Variants in COMP observed in about 807,000 individuals in gnomAD.
The protein encoded by COMP is cartilage oligomeric matrix protein (pseudoachondroplasia, epiphyseal dysplasia 1, multiple).
COMP carries 79 observed loss-of-function variants against 95.8 expected under a neutral mutation model. That is an observed-to-expected ratio of 0.82 (90% CI 0.69 to 0.99). The LOEUF is 0.99. COMP is among the 50% of genes least tolerant of loss of function. COMP has a pLI of 0.00. For synonymous variants in COMP, 438 were observed against 433.9 expected (o/e 1.01, Z -0.12); for missense variants, 906 against 1,076.1 (o/e 0.84, Z 2.21).
In COMP at chr19:18,783,176, C is replaced by T. The variant is rs1032221863; in HGVS notation, c.2105G>A (p.Gly702Asp). ...GTTGCTGTCGGCCACCAGCTCAGGGCCCTCATAGAATCGCACCCTGAGGGT... is the reference window on the plus strand; with the variant it reads ...GTTGCTGTCGGCCACCAGCTCAGGGTCCTCATAGAATCGCACCCTGAGGGT... The part of the protein sequence containing the change: ...VGYIRVRFYE[G>D]PELVADSNVV... Residue 702 changes from glycine (G) to aspartate (D), a missense_variant, in exon 18 of 19, where the codon GGC (glycine) becomes GAC (aspartate). By Grantham distance (94) the Gly-to-Asp change is moderately conservative. Coordinates refer to ENST00000222271, the MANE Select transcript of COMP (RefSeq NM_000095.3). 1 of 1,608,738 alleles carries T rather than the reference C, an allele frequency of 6.2e-7. No individual in the cohort carries two copies. The highest frequency in any genetic ancestry group is 8.5e-7 in the Non-Finnish European group (1 of 1,180,002).
chr19:18,785,596 G>A (rs373548140), intron 14 of COMP, 50 bp from the exon 15 acceptor site: 2 of 1,613,792 alleles, frequency 1.2e-6, no homozygotes, highest in East Asian at 2.2e-5. Flanking sequence ...GACAGCCCTA[G>A]GCACCCTGTC....
Position 18,789,822 on chromosome 19 carries a change from G to A in COMP, c.390+120C>T, listed in dbSNP as rs1244222941. The A allele has an allele frequency of 4.7e-6, 6 of 1,271,958 alleles. No homozygotes were observed. The highest frequency in any genetic ancestry group is 6.6e-6 in the Non-Finnish European group (6 of 906,278). 78.8% of individuals were successfully genotyped at this position (1,271,958 alleles called of 1,614,324 possible). A position where few individuals can be genotyped will look rare whatever the true frequency, so the allele number is the denominator to read the frequency against. ...GGAGGTAGTCTGGCCGTGCGCCCCC[G>A]GAGGTGAGAGGCTCTTCGGGGCGAA... On this transcript the variant is annotated intron_variant, in intron 4 of 18. Transcript: ENST00000222271. The surrounding 1 kb of genome is among the most constrained non-coding windows in gnomAD (Gnocchi z 6.1).
rs1327200810 is a variant in COMP, at chr19:18,785,800, A to C, written c.1541T>G (p.Val514Gly). 3 of 1,612,996 alleles carry C rather than the reference A, an allele frequency of 1.9e-6. No individual in the cohort carries two copies. In the Admixed American group the frequency reaches 5.0e-5, roughly 27 times the overall value. Residue 514 changes from valine to glycine, a missense_variant, in exon 14 of 19, where the codon GTA (valine) becomes GGA (glycine). Transcript: ENST00000222271. ...CQDDFDADKVVDKIDVCPENA... is the reference protein window; with the variant it reads ...CQDDFDADKVGDKIDVCPENA... ...CTCCGGACACACGTCGATCTTGTCT[A>C]CCACCTTGTCTGCATCAAAGTCGTC...
Position 18,791,294 on chromosome 19 carries a change from T to TAGCC in COMP, c.-26_-25insGGCT. ...TGGCGGTGGCGGGGAGCTGGGTGGC[T>TAGCC]GCTCGCTTTCTACCGCCCACGAGGC... On this transcript the variant is annotated 5_prime_UTR_variant, in exon 1 of 19. Transcript: ENST00000222271. The TAGCC allele has an allele frequency of 6.3e-7, 1 of 1,575,556 alleles. No homozygotes were observed. The highest frequency in any genetic ancestry group is 8.6e-7 in the Non-Finnish European group (1 of 1,163,424).
rs1601052031 is a variant in COMP at position 18,784,862 on chromosome 19, G to A, written c.1914+34C>T. ...ACGGAGGGTCATGGGAGGGCATGAG[G>A]ACCGCAGAGGTCAGGCACGGACGGC... On this transcript the variant is annotated intron_variant, in intron 16 of 18. Transcript: ENST00000222271. This position sits in a 1 kb window ranked among gnomAD's most constrained non-coding sequence, Gnocchi z 4.9. The A allele has an allele frequency of 6.2e-7, 1 of 1,609,682 alleles. No homozygotes were observed. The highest frequency in any genetic ancestry group is 1.3e-5 in the African/African-American group (1 of 74,918).
At chr19:18,785,284 T>C (rs2055156895) in intron 15 of COMP, among the ~76,000 whole-genome samples, 192 bp from the exon 16 acceptor site, 1 of 151,504 alleles carries the variant, frequency 6.6e-6, no homozygotes, top group Non-Finnish European at 1.5e-5. Context: ...CCACCTCCAC[T>C]TGGCCCCGCC....
rs954958664 is a variant in COMP at position 18,788,965 on chromosome 19, T to G, written c.529-52A>C. 1.3e-6 allele frequency: 2 copies of G among 1,587,696 alleles called. No individual in the cohort carries two copies. Among genetic ancestry groups the G allele is most frequent in the Non-Finnish European group, 1.7e-6 (2 of 1,162,570 alleles). ...CACCCCACGCAGACACCTCCGGACC[T>G]CCCACCTCCTCCACACTTCCTCCGC... is the stretch of plus-strand genomic sequence containing the variant. On this transcript the variant is annotated intron_variant, in intron 5 of 18. Coordinates refer to ENST00000222271, the MANE Select transcript of COMP (RefSeq NM_000095.3). The surrounding 1 kb of genome is among the most constrained non-coding windows in gnomAD (Gnocchi z 4.7).
chr19:18,786,171 A>G (rs2145900960), intron 12 of COMP, 25 bp from the exon 13 acceptor site: 1 of 1,614,132 alleles, frequency 6.2e-7, no homozygotes, highest in Middle Eastern at 1.6e-4. Context: ...TGGGATCCAG[A>G]GACAATGAGC....
chr19:18,789,274 G>T lies in COMP; in HGVS notation c.414C>A (p.Pro138=). 1.3e-6 allele frequency: 2 copies of T among 1,502,366 alleles called. No individual in the cohort carries two copies. Among genetic ancestry groups the T allele is most frequent in the Non-Finnish European group, 1.8e-6 (2 of 1,129,214 alleles). 93.1% of individuals were successfully genotyped at this position (1,502,366 alleles called of 1,614,324 possible). Residue 138 remains proline, a synonymous_variant, in exon 5 of 19, where the codon CCC becomes CCA. Coordinates refer to ENST00000222271, the MANE Select transcript of COMP (RefSeq NM_000095.3). This position sits in a 1 kb window ranked among gnomAD's most constrained non-coding sequence, Gnocchi z 6.1. ...GGCTGGTGTTGATACAGCGGACTCG[G>T]GGGAAGCAGGGGTGGGCGTTGCACT... ...VNECNAHPCF[P]RVRCINTSPG... is the part of the protein sequence containing the mutation.
chr19:18,783,437 G>A (rs542837000), intron 17 of COMP, among the ~76,000 whole-genome samples: 23 of 152,316 alleles, frequency 1.5e-4, no homozygotes, highest in African/African-American at 5.5e-4. Flanking sequence ...CAGGGACTGG[G>A]TGAGGCCCCA....
Position 18,790,578 on chromosome 19 carries a change from C to T in COMP, c.201G>A (p.Met67Ile), listed in dbSNP as rs199553971. The T allele has an allele frequency of 6.4e-5, 103 of 1,613,880 alleles. No homozygotes were observed. Among genetic ancestry groups the T allele is most frequent in the Non-Finnish European group, 8.3e-5 (98 of 1,179,920 alleles). ...REITFLKNTV[M>I]ECDACGMQQS... ...CGCGCTCACCGCACGCGTCACACTC[C>T]ATCACCGTGTTTTTCAGGAACGTGA... The change falls in exon 3 of 19, where the codon ATG becomes ATA. Residue 67 changes from methionine (M) to isoleucine (I), a missense_variant. Coordinates refer to ENST00000222271, the MANE Select transcript of COMP (RefSeq NM_000095.3).
Position 18,791,154 on chromosome 19 carries a change from G to A in COMP, c.79+37C>T, listed in dbSNP as rs1317214002. 5 of 1,557,344 alleles carry A rather than the reference G, an allele frequency of 3.2e-6. No homozygotes were observed. The African/African-American group carries it at 5.4e-5, about 17-fold the overall frequency. ...CTCACGGGTCCTACAGTCCGTTGTGGGGCCGTGGGCACGGCGCGGGTGCTA... is the reference window on the plus strand; with the variant it reads ...CTCACGGGTCCTACAGTCCGTTGTGAGGCCGTGGGCACGGCGCGGGTGCTA... On this transcript the variant is annotated intron_variant, in intron 1 of 18. Transcript: ENST00000222271.
At position 18,788,053 on chromosome 19, in the gene COMP, A is replaced by G. The variant is rs562144312; in HGVS notation, c.975+159T>C. Among the ~76,000 whole-genome samples the G allele has an allele frequency of 9.9e-5, 15 of 151,618 alleles. No homozygotes were observed. In the East Asian group the frequency reaches 2.3e-3, roughly 24 times the overall value. On this transcript the variant is annotated intron_variant, in intron 9 of 18. Transcript: ENST00000222271. The surrounding 1 kb of genome is among the most constrained non-coding windows in gnomAD (Gnocchi z 4.7). ...TGAGTAGCTGGGATTACAGGCGTGC[A>G]CCACCACGCCCCGCTAATTTTTGTA... is the stretch of plus-strand genomic sequence containing the variant.
chr19:18,783,193 C>T lies in COMP; in HGVS notation c.2088G>A (p.Arg696=). Residue 696 remains arginine, a splice_region_variant and synonymous_variant, in exon 18 of 19, where the codon AGG becomes AGA. Coordinates refer to ENST00000222271, the MANE Select transcript of COMP (RefSeq NM_000095.3). ...GCTCAGGGCCCTCATAGAATCGCAC[C>T]CTGAGGGTCAGACATGGTGAGGCCT... is the stretch of plus-strand genomic sequence containing the variant. ...LQHRPQVGYI[R]VRFYEGPELV... 5 of 1,607,386 alleles carry T rather than the reference C, an allele frequency of 3.1e-6. No individual in the cohort carries two copies. The highest frequency in any genetic ancestry group is 4.2e-6 in the Non-Finnish European group (5 of 1,179,984).
rs1050927820 is a variant in COMP, at chr19:18,789,439, G to T, written c.391-142C>A. On this transcript the variant is annotated intron_variant, in intron 4 of 18. Coordinates refer to ENST00000222271, the MANE Select transcript of COMP (RefSeq NM_000095.3). The surrounding 1 kb of genome is among the most constrained non-coding windows in gnomAD (Gnocchi z 6.1). ...TGAGATGGAAGCAATTGTCGCAGGG[G>T]TCAGGCACGACTTTGCCTTGATGAC... The T allele has an allele frequency of 2.8e-5, 27 of 978,900 alleles. No homozygotes were observed. The highest frequency in any genetic ancestry group is 3.4e-4 in the Middle Eastern group (1 of 2,984). 60.6% of individuals were successfully genotyped at this position (978,900 alleles called of 1,614,324 possible).
chr19:18,791,034 C>A, intron 1 of COMP, 99 bp from the exon 2 acceptor site: 1 of 1,519,676 alleles, frequency 6.6e-7, no homozygotes, highest in Non-Finnish European at 8.9e-7. Flanking sequence ...GGCCCCACTG[C>A]GCTCCTCTAG....
chr19:18,791,005 A>C, intron 1 of COMP, 70 bp from the exon 2 acceptor site: 4 of 1,538,966 alleles, frequency 2.6e-6, no homozygotes, highest in Non-Finnish European at 3.5e-6. Flanking sequence ...CCACCGTTGC[A>C]GCGAACCCGG....
At chr19:18,785,184 C>G (rs536371211) in intron 15 of COMP, 92 bp from the exon 16 acceptor site, 2 of 1,270,012 alleles carry the variant, frequency 1.6e-6, no homozygotes, top group African/African-American at 1.5e-5. Flanking sequence ...CCCTGGGTCC[C>G]GATCTGCCTG....
At chr19:18,786,758 G>T in intron 10 of COMP, 108 bp from the exon 11 acceptor site, 4 of 400,198 alleles carry the variant, frequency 1.0e-5, no homozygotes, top group South Asian at 2.0e-5. Flanking sequence ...CCAACTTCAT[G>T]GAAGCTTTTT....
Sources: allele counts gnomAD v4.1 joint callset (sites outside exome capture counted in the v4.1 genomes callset), GRCh38; gene constraint gnomAD v4.1.1; non-coding constraint Gnocchi (gnomAD v3.1); transcripts MANE v1.5; gene names NCBI Gene and HGNC (gene_info 2026-07-23, HGNC 2026-07-21).